Variants in GRIK2 observed in about 807,000 individuals in gnomAD.
GRIK2 encodes the protein glutamate receptor ionotropic, kainate 2.
GRIK2 carries 32 observed loss-of-function variants against 100.3 expected under a neutral mutation model. The ratio of observed to expected loss-of-function variants is 0.32; its 90% CI spans 0.24 to 0.43. The LOEUF is 0.43. Among genes scored for constraint, GRIK2 ranks in the 20% least tolerant of loss-of-function variants. GRIK2 has a pLI of 1.00. For missense variants in GRIK2, 843 were observed against 1,114.9 expected, an observed-to-expected ratio of 0.76 and a Z score of 3.47; for synonymous variants, 417 against 389.4, an observed-to-expected ratio of 1.07 and a Z score of -0.83.
chr6:101,910,171 A>T (rs542775169), intron 12 of GRIK2, among the ~76,000 whole-genome samples: 2 of 151,334 alleles, frequency 1.3e-5, no homozygotes. Flanking sequence ...TAAATTAAAA[A>T]TAGAATGTCT....
At chr6:101,804,012 CA>C (rs1325887714) in intron 9 of GRIK2, among the ~76,000 whole-genome samples, 2 of 151,784 alleles carry the variant, frequency 1.3e-5, no homozygotes, top group Non-Finnish European at 2.9e-5. Context: ...TCCTTATCCT[CA>C]AGGGGCTTTT....
At chr6:101,843,924 C>T (rs2128436203) in intron 10 of GRIK2, among the ~76,000 whole-genome samples, 1 of 152,292 alleles carries the variant, frequency 6.6e-6, no homozygotes, top group African/African-American at 2.4e-5. Flanking sequence ...CTATCTCTCT[C>T]ATGAGACCAT....
chr6:101,590,935 A>G (rs1390624819), intron 2 of GRIK2, among the ~76,000 whole-genome samples: 1 of 152,048 alleles, frequency 6.6e-6, no homozygotes, highest in African/African-American at 2.4e-5. Flanking sequence ...TGACTAACAC[A>G]TGGACCATGT....
chr6:101,738,214 A>G (rs1583049811), intron 7 of GRIK2, among the ~76,000 whole-genome samples: 1 of 152,104 alleles, frequency 6.6e-6, no homozygotes, highest in African/African-American at 2.4e-5. Context: ...TCAAATGTCA[A>G]TTGTAATTGA....
At chr6:101,734,203 C>A (rs1018850047) in intron 7 of GRIK2, among the ~76,000 whole-genome samples, 3 of 152,086 alleles carry the variant, frequency 2.0e-5, no homozygotes, top group African/African-American at 7.2e-5. Context: ...GTACAAGAAA[C>A]TGACTCAAGC....
chr6:102,062,589 T>G (rs1440717092), intron 16 of GRIK2, among the ~76,000 whole-genome samples: 1 of 150,688 alleles, frequency 6.6e-6, no homozygotes, highest in East Asian at 1.9e-4. Context: ...TAAAACTTTT[T>G]TTTAAAGATA....
chr6:102,027,296 T>G (rs1200490795), intron 14 of GRIK2, among the ~76,000 whole-genome samples: 1 of 151,290 alleles, frequency 6.6e-6, no homozygotes, highest in African/African-American at 2.4e-5. Context: ...TTAGCAATTT[T>G]ACTGTATTAA....
chr6:101,633,526 A>C (rs950005882), intron 4 of GRIK2, among the ~76,000 whole-genome samples: 2 of 152,170 alleles, frequency 1.3e-5, no homozygotes, highest in Non-Finnish European at 2.9e-5. Flanking sequence ...TAAAACTTTC[A>C]ACAATATAAA....
intron 10 of GRIK2, among the ~76,000 whole-genome samples, chr6:101,836,661 ATT>A (rs1194200766): frequency 0.011 from 642 of 57,752 alleles, 4 homozygotes; most frequent in African/African-American, 0.047. Flanking sequence ...ATATATATAT[ATT>A]TTTTTTTTTT....
intron 11 of GRIK2, among the ~76,000 whole-genome samples, chr6:101,877,087 C>T (rs938798489): frequency 1.3e-5 from 2 of 151,842 alleles, no homozygotes; most frequent in Non-Finnish European, 2.9e-5. Flanking sequence ...AAATGAGCTT[C>T]ATAGTTTTCC....
intron 2 of GRIK2, among the ~76,000 whole-genome samples, chr6:101,521,538 T>G (rs1774883763): frequency 6.6e-6 from 1 of 151,958 alleles, no homozygotes; most frequent in Non-Finnish European, 1.5e-5. Context: ...TCCACAATAA[T>G]TATAGTTTTA....
intron 15 of GRIK2, among the ~76,000 whole-genome samples, chr6:102,036,899 A>G (rs1223242002): frequency 1.3e-5 from 2 of 151,404 alleles, no homozygotes; most frequent in Non-Finnish European, 3.0e-5. Flanking sequence ...GGGAAAACAT[A>G]TTCATGATTT....
chr6:101,439,740 G>A (rs1769940332), intron 2 of GRIK2, among the ~76,000 whole-genome samples: 1 of 152,004 alleles, frequency 6.6e-6, no homozygotes, highest in South Asian at 2.1e-4. Context: ...ATCTATATAA[G>A]ATATAGGTAT....
At chr6:101,469,355 T>A (rs1051426836) in intron 2 of GRIK2, among the ~76,000 whole-genome samples, 2 of 152,160 alleles carry the variant, frequency 1.3e-5, no homozygotes, top group African/African-American at 2.4e-5. Context: ...ACAAGACCCA[T>A]GCTAGTGAAA....
intron 10 of GRIK2, among the ~76,000 whole-genome samples, chr6:101,826,959 A>G (rs1400127392): frequency 1.3e-5 from 2 of 152,104 alleles, no homozygotes; most frequent in South Asian, 2.1e-4. Flanking sequence ...CTATTACACA[A>G]TCATTATTTC....
At chr6:101,930,265 C>T (rs1467058655) in intron 14 of GRIK2, among the ~76,000 whole-genome samples, 1 of 151,336 alleles carries the variant, frequency 6.6e-6, no homozygotes, top group Non-Finnish European at 1.5e-5. Context: ...TCACTTGAGC[C>T]GGGGAGGCAG....
At chr6:101,616,628 A>G (rs1294234242) in intron 2 of GRIK2, among the ~76,000 whole-genome samples, 1 of 151,824 alleles carries the variant, frequency 6.6e-6, no homozygotes, top group Non-Finnish European at 1.5e-5. Flanking sequence ...CCTTGCAGCT[A>G]AATCAGTGAC....
At chr6:101,911,883 T>C (rs1298129827) in intron 12 of GRIK2, among the ~76,000 whole-genome samples, 1 of 151,516 alleles carries the variant, frequency 6.6e-6, no homozygotes, top group East Asian at 1.9e-4. Context: ...ATTGCATTAT[T>C]ATAATAAAGG....
intron 2 of GRIK2, among the ~76,000 whole-genome samples, chr6:101,488,451 G>A (rs1772940569): frequency 6.8e-6 from 1 of 146,802 alleles, no homozygotes; most frequent in Non-Finnish European, 1.5e-5. Context: ...ATGTAAACTT[G>A]TTAAAGATTT....
Sources: allele counts gnomAD v4.1 joint callset (sites outside exome capture counted in the v4.1 genomes callset), GRCh38; gene constraint gnomAD v4.1.1; transcripts MANE v1.5; gene names NCBI Gene and HGNC (gene_info 2026-07-23, HGNC 2026-07-21).